Variants in PRKCA observed in about 807,000 individuals in gnomAD.
PRKCA encodes protein kinase C alpha type.
In PRKCA, 27 loss-of-function variants were observed where a neutral mutation model predicts 87.0. That is an observed-to-expected ratio of 0.31 (90% confidence interval 0.23 to 0.43). The LOEUF (loss-of-function observed/expected upper bound fraction) is 0.43, where lower values mean the gene tolerates loss of function less well. PRKCA is among the 20% of genes least tolerant of loss of function. PRKCA has a pLI of 1.00. For synonymous variants in PRKCA, 329 were observed against 311.1 expected (o/e 1.06, Z -0.61); for missense variants, 518 against 852.3 (o/e 0.61, Z 4.88).
Position 66,804,512 on chromosome 17 carries a change from G to A in PRKCA, c.*475G>A, listed in dbSNP as rs538416119. On this transcript the variant is annotated 3_prime_UTR_variant, in exon 17 of 17. Coordinates refer to ENST00000413366, the MANE Select transcript of PRKCA (RefSeq NM_002737.3). ...GAGCAGGGAGGGATTGGGGGTGGGG[G>A]AGGCCTCAAAATACCGACTGCGTCC... is the stretch of plus-strand genomic sequence containing the variant. 3 of 153,766 alleles carry A rather than the reference G, an allele frequency of 2.0e-5. No homozygotes were observed. Among genetic ancestry groups the A allele is most frequent in the African/African-American group, 7.2e-5 (3 of 41,460 alleles). 9.5% of individuals were successfully genotyped at this position (153,766 alleles called of 1,614,324 possible).
At position 66,394,072 on chromosome 17, in the gene PRKCA, C is replaced by CA. The variant is rs1276785137; in HGVS notation, c.205+87954dup. On this transcript the variant is annotated intron_variant, in intron 2 of 16. Transcript: ENST00000413366. ...TCTGGGTGACAGACTGAGACTGTCT[C>CA]AAAAAAAAAGAAAGAGTGACACATG... 1.1e-4 allele frequency among the ~76,000 whole-genome samples: 17 copies of CA among 150,206 alleles called. No homozygotes were observed. In the East Asian group the frequency reaches 1.2e-3, roughly 10 times the overall value.
At chr17:66,439,393 G>A (rs1913596285) in intron 2 of PRKCA, among the ~76,000 whole-genome samples, 1 of 152,092 alleles carries the variant, frequency 6.6e-6, no homozygotes, top group African/African-American at 2.4e-5. Flanking sequence ...TATTGGCCAG[G>A]CTGGTCTCGA....
intron 2 of PRKCA, among the ~76,000 whole-genome samples, chr17:66,332,034 G>A: frequency 7.8e-6 from 1 of 128,598 alleles, no homozygotes; most frequent in African/African-American, 3.1e-5. Flanking sequence ...TGAATCCAAT[G>A]GTAGCAAACC....
At chr17:66,566,062 G>T (rs1968880995) in intron 3 of PRKCA, among the ~76,000 whole-genome samples, 1 of 152,170 alleles carries the variant, frequency 6.6e-6, no homozygotes, top group Non-Finnish European at 1.5e-5. Flanking sequence ...ATAGATCATT[G>T]TAGCTGCAAG....
At chr17:66,540,574 C>T (rs1251352649) in intron 3 of PRKCA, among the ~76,000 whole-genome samples, 1 of 152,138 alleles carries the variant, frequency 6.6e-6, no homozygotes, top group Non-Finnish European at 1.5e-5. Context: ...AGTGGGGCCT[C>T]CCAGCGGGGC....
intron 3 of PRKCA, among the ~76,000 whole-genome samples, chr17:66,500,506 A>G (rs767231120): frequency 2.0e-5 from 3 of 152,206 alleles, no homozygotes; most frequent in Non-Finnish European, 4.4e-5. Context: ...TTGAGCCAGA[A>G]GGGGTGTTAA....
intron 13 of PRKCA, among the ~76,000 whole-genome samples, chr17:66,770,315 G>A (rs1031318641): frequency 1.3e-5 from 2 of 152,206 alleles, no homozygotes; most frequent in Non-Finnish European, 2.9e-5. Flanking sequence ...TAGAATGCTG[G>A]AGTAGGAAAT....
At chr17:66,637,691 T>G (rs1057058991) in intron 3 of PRKCA, among the ~76,000 whole-genome samples, 1 of 152,140 alleles carries the variant, frequency 6.6e-6, no homozygotes, top group Non-Finnish European at 1.5e-5. Flanking sequence ...AGTGACACAC[T>G]TACTAAATAT....
At chr17:66,545,715 A>G (rs1968128220) in intron 3 of PRKCA, among the ~76,000 whole-genome samples, 1 of 152,234 alleles carries the variant, frequency 6.6e-6, no homozygotes, top group African/African-American at 2.4e-5. Flanking sequence ...CACTACAAAT[A>G]CAAAAGAGAA....
At chr17:66,499,694 T>TGGG (rs1916642768) in intron 3 of PRKCA, among the ~76,000 whole-genome samples, 1 of 152,170 alleles carries the variant, frequency 6.6e-6, no homozygotes, top group African/African-American at 2.4e-5. Context: ...CATGTCCTGC[T>TGGG]CCTAATCTTG....
chr17:66,356,654 A>C (rs562551316), intron 2 of PRKCA, among the ~76,000 whole-genome samples: 13 of 152,280 alleles, frequency 8.5e-5, no homozygotes, highest in Middle Eastern at 3.4e-3. Flanking sequence ...AAAACAAACA[A>C]AACACCATAC....
At chr17:66,521,141 G>C (rs1455943356) in intron 3 of PRKCA, among the ~76,000 whole-genome samples, 1 of 151,584 alleles carries the variant, frequency 6.6e-6, no homozygotes, top group African/African-American at 2.4e-5. Context: ...AAAAAAAAAA[G>C]TACTAAAAAT....
At chr17:66,384,668 G>A (rs548901260) in intron 2 of PRKCA, among the ~76,000 whole-genome samples, 260 of 151,088 alleles carry the variant, frequency 1.7e-3, no homozygotes, top group East Asian at 5.7e-3. Context: ...TCGCTCTGTC[G>A]CCCAGGCTGG....
At chr17:66,680,200 G>T (rs942877471) in intron 5 of PRKCA, among the ~76,000 whole-genome samples, 5 of 152,158 alleles carry the variant, frequency 3.3e-5, no homozygotes, top group Non-Finnish European at 5.9e-5. Flanking sequence ...TTCTTTTGCT[G>T]TGGGTAACTT....
chr17:66,335,239 C>T (rs575330475), intron 2 of PRKCA, among the ~76,000 whole-genome samples: 11 of 152,236 alleles, frequency 7.2e-5, no homozygotes, highest in South Asian at 4.2e-4. Context: ...GCCATCCTCC[C>T]GTCTCAGCCT....
chr17:66,455,255 A>C (rs1436240727), intron 2 of PRKCA, among the ~76,000 whole-genome samples: 1 of 152,134 alleles, frequency 6.6e-6, no homozygotes, highest in Non-Finnish European at 1.5e-5. Flanking sequence ...TCTTTTTGGC[A>C]AGAAAAGTTC....
intron 3 of PRKCA, among the ~76,000 whole-genome samples, chr17:66,500,864 A>T (rs1428760340): frequency 2.0e-5 from 3 of 152,232 alleles, no homozygotes; most frequent in Non-Finnish European, 4.4e-5. Flanking sequence ...CTCAGTGAGG[A>T]AGACCAGTGA....
chr17:66,575,049 C>T (rs549491294), intron 3 of PRKCA, among the ~76,000 whole-genome samples: 15 of 152,210 alleles, frequency 9.9e-5, no homozygotes, highest in Admixed American at 7.2e-4. Flanking sequence ...TCTGAATTGC[C>T]GGTGTCACCA....
At chr17:66,447,079 A>G (rs1358412392) in intron 2 of PRKCA, among the ~76,000 whole-genome samples, 1 of 152,212 alleles carries the variant, frequency 6.6e-6, no homozygotes, top group East Asian at 1.9e-4. Context: ...ATATCAAGCC[A>G]TCAAAAGACA....
Sources: gnomAD v4.1 joint callset for allele counts (sites outside exome capture counted in the v4.1 genomes callset) on GRCh38, gnomAD v4.1.1 for gene constraint, MANE v1.5 for transcripts, NCBI Gene and HGNC (gene_info 2026-07-23, HGNC 2026-07-21) for gene names.